Variants in ZNF626 observed in about 807,000 individuals in gnomAD.
ZNF626 encodes the protein zinc finger protein 626.
ZNF626 carries 4 observed loss-of-function variants against 11.7 expected under a neutral mutation model. The observed-to-expected ratio is 0.34, with a 90% CI of 0.17 to 0.78. The LOEUF (loss-of-function observed/expected upper bound fraction) is 0.78. Among genes scored for constraint, ZNF626 ranks in the 30% least tolerant of loss-of-function variants. ZNF626 has a pLI of 0.57. For synonymous variants in ZNF626, 179 were observed against 198.6 expected (o/e 0.90, Z 0.83); for missense variants, 588 against 587.1 (o/e 1.00, Z -0.01).
chr19:20,658,783 C>T (rs1970232887), intron 1 of ZNF626, among the ~76,000 whole-genome samples: 3 of 151,566 alleles, frequency 2.0e-5, no homozygotes, highest in Admixed American at 6.6e-5. Context: ...TGATCCAGGG[C>T]TGGGTCCCAC....
intron 3 of ZNF626, among the ~76,000 whole-genome samples, chr19:20,641,183 A>T (rs1970021191): frequency 6.6e-6 from 1 of 151,870 alleles, no homozygotes; most frequent in Non-Finnish European, 1.5e-5. Context: ...CATATTTGAA[A>T]ATCTATCTTT....
At chr19:20,627,898 T>G (rs190752679) in intron 3 of ZNF626, among the ~76,000 whole-genome samples, 1 of 152,298 alleles carries the variant, frequency 6.6e-6, no homozygotes, top group Non-Finnish European at 1.5e-5. Context: ...CATTTAGCAT[T>G]AGGTGTATCT....
intron 3 of ZNF626, among the ~76,000 whole-genome samples, chr19:20,627,149 T>C (rs1969845440): frequency 1.3e-5 from 2 of 151,472 alleles, no homozygotes; most frequent in African/African-American, 4.9e-5. Flanking sequence ...ATATAAAAAA[T>C]GCAAAAAACA....
chr19:20,622,708 A>G lies in ZNF626; in HGVS notation c.*1582T>C, dbSNP rs1969771265. 6.6e-6 allele frequency: 1 copy of G among 152,214 alleles called. No individual in the cohort carries two copies. The highest frequency in any genetic ancestry group is 2.1e-4 in the South Asian group (1 of 4,836). 9.4% of individuals were successfully genotyped at this position (152,214 alleles called of 1,614,324 possible). Reference sequence around the variant, plus strand: ...TTTATACAAACTTATATACAAATTTAACAACTTTAGTTGTGAATTCATTTA... The same window carrying G: ...TTTATACAAACTTATATACAAATTTGACAACTTTAGTTGTGAATTCATTTA... On this transcript the variant is annotated 3_prime_UTR_variant, in exon 4 of 4. Transcript: ENST00000601440.
intron 3 of ZNF626, among the ~76,000 whole-genome samples, chr19:20,636,336 T>A (rs1969964937): frequency 6.6e-6 from 1 of 152,106 alleles, no homozygotes; most frequent in Non-Finnish European, 1.5e-5. Flanking sequence ...TATTGTTACA[T>A]ACAATTATAA....
At chr19:20,653,019 C>G (rs1453841463) in intron 1 of ZNF626, among the ~76,000 whole-genome samples, 1 of 152,128 alleles carries the variant, frequency 6.6e-6, no homozygotes, top group Non-Finnish European at 1.5e-5. Flanking sequence ...TTATAGAAAT[C>G]TGATCTAGAC....
chr19:20,625,378 G>A lies in ZNF626; in HGVS notation c.499C>T (p.His167Tyr), dbSNP rs201802057. The A allele has an allele frequency of 6.2e-6, 10 of 1,613,896 alleles. No individual in the cohort carries two copies. Among genetic ancestry groups the A allele is most frequent in the Non-Finnish European group, 8.5e-6 (10 of 1,180,012 alleles). The change falls in exon 4 of 4, where the codon CAT becomes TAT. Residue 167 changes from histidine to tyrosine, a missense_variant. Around this residue, in one of 4 missense-constraint regions of ZNF626, gnomAD observed 524 missense variants for 470.1 expected, o/e 1.11. Coordinates refer to ENST00000601440, the MANE Select transcript of ZNF626 (RefSeq NM_001076675.3). The stretch of plus-strand genomic sequence containing the variant: ...TATTTGAAAGGTTTTTTCCCAGTAT[G>A]TCCTCTCTTTTGTCCGTTTGAATTT... ...FPNSNGQKRG[H>Y]TGKKPFKYIE...
chr19:20,659,263 G>A (rs184820390), intron 1 of ZNF626, among the ~76,000 whole-genome samples: 2 of 151,014 alleles, frequency 1.3e-5, no homozygotes, highest in East Asian at 1.9e-4. Context: ...TTTTTGAGAT[G>A]GAGTCTCGCT....
At chr19:20,659,852 G>A (rs527365118) in intron 1 of ZNF626, among the ~76,000 whole-genome samples, 9 of 152,050 alleles carry the variant, frequency 5.9e-5, no homozygotes, top group Non-Finnish European at 1.3e-4. Flanking sequence ...TCTGCCTGTG[G>A]GGCCCCAGCT....
intron 1 of ZNF626, among the ~76,000 whole-genome samples, chr19:20,660,958 C>A (rs1970260540): frequency 6.6e-6 from 1 of 152,116 alleles, no homozygotes; most frequent in Non-Finnish European, 1.5e-5. Flanking sequence ...ACTTAGTTGT[C>A]CTAACACCTC....
intron 3 of ZNF626, among the ~76,000 whole-genome samples, chr19:20,627,150 G>T (rs941270239): frequency 6.6e-6 from 1 of 151,850 alleles, no homozygotes; most frequent in Non-Finnish European, 1.5e-5. Context: ...TATAAAAAAT[G>T]CAAAAAACAA....
chr19:20,645,301 AAAGAG>A (rs1432353188), intron 3 of ZNF626: 1 of 1,462,226 alleles, frequency 6.8e-7, no homozygotes. Context: ...GATCTGATGC[AAAGAG>A]AACTTTGAGA....
intron 1 of ZNF626, among the ~76,000 whole-genome samples, chr19:20,654,436 G>A (rs1484626771): frequency 2.1e-5 from 3 of 141,244 alleles, no homozygotes; most frequent in Non-Finnish European, 3.1e-5. Context: ...GAGGCCAGGC[G>A]CGGTGGCTTA....
intron 2 of ZNF626, among the ~76,000 whole-genome samples, 159 bp from the exon 3 acceptor site, chr19:20,645,938 A>T (rs1341099227): frequency 6.6e-6 from 1 of 152,218 alleles, no homozygotes; most frequent in Non-Finnish European, 1.5e-5. Flanking sequence ...AAATACTTTC[A>T]ATTTGTAGGT....
At chr19:20,627,075 A>G (rs1461518046) in intron 3 of ZNF626, among the ~76,000 whole-genome samples, 2 of 152,140 alleles carry the variant, frequency 1.3e-5, no homozygotes, top group Admixed American at 1.3e-4. Flanking sequence ...ACAAACAAGT[A>G]CTGAAGATAA....
chr19:20,626,412 T>A (rs1170885454), intron 3 of ZNF626, among the ~76,000 whole-genome samples: 2 of 152,162 alleles, frequency 1.3e-5, no homozygotes, highest in South Asian at 2.1e-4. Context: ...TGAGGTAATT[T>A]AAAAAATTCC....
chr19:20,624,869 A>G lies in ZNF626; in HGVS notation c.1008T>C (p.Thr336=), dbSNP rs782181932. 1.2e-6 allele frequency: 2 copies of G among 1,613,784 alleles called. No individual in the cohort carries two copies. Among genetic ancestry groups the G allele is most frequent in the African/African-American group, 2.7e-5 (2 of 74,990 alleles). Residue 336 remains threonine (T), a synonymous_variant, in exon 4 of 4, where the codon ACT becomes ACC. Transcript: ENST00000601440. ...YTLTTHKRIH[T]EDKPYKCEEC... is the part of the protein sequence containing the mutation. ...CTTCACATTTGTAGGGTTTGTCTTC[A>G]GTATGAATTCTTTTATGTGTAGTAA... is the stretch of plus-strand genomic sequence containing the variant.
chr19:20,661,354 T>G, intron 1 of ZNF626, 90 bp downstream of exon 1: 1 of 1,542,286 alleles, frequency 6.5e-7, no homozygotes, highest in Non-Finnish European at 9.0e-7. Context: ...TGGAGCTGAC[T>G]GCGGGGAGGC....
chr19:20,646,263 C>T lies in ZNF626; in HGVS notation c.130+16G>A. 1 of 1,610,466 alleles carries T rather than the reference C, an allele frequency of 6.2e-7. No homozygotes were observed. The highest frequency in any genetic ancestry group is 2.2e-5 in the East Asian group (1 of 44,820). Reference sequence around the variant, plus strand: ...TAAAATCTATAGGGTATATTATGTACTCAAGTTATCCTCACCAAGGAAGAC... The same window carrying T: ...TAAAATCTATAGGGTATATTATGTATTCAAGTTATCCTCACCAAGGAAGAC... On this transcript the variant is annotated intron_variant, in intron 2 of 3. Coordinates refer to ENST00000601440, the MANE Select transcript of ZNF626 (RefSeq NM_001076675.3).
Sources: allele counts gnomAD v4.1 joint callset (sites outside exome capture counted in the v4.1 genomes callset), GRCh38; gene constraint gnomAD v4.1.1; regional missense constraint gnomAD v4.1.1; transcripts MANE v1.5; gene names NCBI Gene and HGNC (gene_info 2026-07-23, HGNC 2026-07-21).